PIBF1: variants seen among roughly 807,000 people sequenced by gnomAD.
PIBF1 encodes the protein progesterone-induced-blocking factor 1.
In PIBF1, 90 loss-of-function variants were observed where a neutral mutation model predicts 112.5. The observed-to-expected ratio is 0.80, with a 90% CI of 0.67 to 0.95. The LOEUF (loss-of-function observed/expected upper bound fraction) is 0.95. Among genes scored for constraint, PIBF1 ranks in the 40% least tolerant of loss-of-function variants. The probability of loss-of-function intolerance (pLI) is 0.00; values close to 1 mark genes in which losing one functional copy is unlikely to be tolerated. For synonymous variants in PIBF1, 301 were observed against 288.6 expected (o/e 1.04, Z -0.44); for missense variants, 915 against 852.3 (o/e 1.07, Z -0.92).
At chr13:72,875,566 A>G (rs1313856531) in intron 10 of PIBF1, among the ~76,000 whole-genome samples, 1 of 152,164 alleles carries the variant, frequency 6.6e-6, no homozygotes, top group East Asian at 1.9e-4. Context: ...GCAGTGAATG[A>G]GAATTCCTGT....
chr13:72,849,838 C>T (rs2038049722), intron 9 of PIBF1, among the ~76,000 whole-genome samples: 1 of 152,198 alleles, frequency 6.6e-6, no homozygotes, highest in African/African-American at 2.4e-5. Context: ...TAAGCTAATA[C>T]TTAACCTCTT....
intron 16 of PIBF1, among the ~76,000 whole-genome samples, chr13:72,998,105 A>G (rs2043738570): frequency 6.6e-6 from 1 of 152,250 alleles, no homozygotes; most frequent in African/African-American, 2.4e-5. Context: ...ACTGCTGACT[A>G]GTAGCCAAGA....
At chr13:72,996,347 A>G (rs1373486516) in intron 16 of PIBF1, among the ~76,000 whole-genome samples, 2 of 152,306 alleles carry the variant, frequency 1.3e-5, no homozygotes, top group South Asian at 2.1e-4. Flanking sequence ...CAGACTGGCA[A>G]AAATCCTAAA....
At chr13:73,003,544 C>T (rs2139040147) in intron 17 of PIBF1, among the ~76,000 whole-genome samples, 1 of 152,206 alleles carries the variant, frequency 6.6e-6, no homozygotes, top group South Asian at 2.1e-4. Context: ...GTGTGAGCCA[C>T]CGCACCTGGC....
In PIBF1 at chr13:72,832,071, C is replaced by CTT. The variant is rs1491281184; in HGVS notation, c.1098-3172_1098-3171insTT. On this transcript the variant is annotated intron_variant, in intron 8 of 17. Coordinates refer to ENST00000326291, the MANE Select transcript of PIBF1 (RefSeq NM_006346.4). ...TCAGAGATTAGAATTGCAATTCCGG[C>CTT]CTTTTTTTTTTTTTTTTTTTTTTTT... 1.5e-3 allele frequency among the ~76,000 whole-genome samples: 92 copies of CTT among 59,484 alleles called. 15 individuals carry two copies. The highest frequency in any genetic ancestry group is 3.1e-3 in the African/African-American group (55 of 17,824). The allele number at this position is 59,484 out of a possible 152,430, so 39.0% of individuals were successfully genotyped here.
chr13:72,913,924 T>C (rs2040990481), intron 12 of PIBF1, among the ~76,000 whole-genome samples: 1 of 152,222 alleles, frequency 6.6e-6, no homozygotes. Context: ...GATTTACCTG[T>C]ACTAGAAGAT....
chr13:72,822,802 T>C (rs1158489394), intron 6 of PIBF1, among the ~76,000 whole-genome samples: 1 of 152,250 alleles, frequency 6.6e-6, no homozygotes, highest in East Asian at 1.9e-4. Flanking sequence ...TCATTTCTAC[T>C]CCCATTATGA....
intron 2 of PIBF1, among the ~76,000 whole-genome samples, chr13:72,786,560 G>A (rs1980780): frequency 0.75 from 113,516 of 152,022 alleles, 42,788 homozygotes; most frequent in African/African-American, 0.83. Flanking sequence ...CAACTCTTAT[G>A]TAATTCTTTG....
intron 16 of PIBF1, among the ~76,000 whole-genome samples, chr13:72,988,942 G>A (rs910142195): frequency 6.6e-6 from 1 of 152,126 alleles, no homozygotes; most frequent in African/African-American, 2.4e-5. Context: ...GGAGGCTGAG[G>A]CAGGAGAATC....
At chr13:72,991,455 A>G (rs1197967369) in intron 16 of PIBF1, among the ~76,000 whole-genome samples, 1 of 152,176 alleles carries the variant, frequency 6.6e-6, no homozygotes, top group Non-Finnish European at 1.5e-5. Context: ...ATGTTAATGA[A>G]TGGTTCGTTC....
intron 10 of PIBF1, among the ~76,000 whole-genome samples, chr13:72,860,621 C>T (rs2038651000): frequency 1.3e-5 from 2 of 152,100 alleles, no homozygotes; most frequent in South Asian, 4.1e-4. Context: ...CATGCCTATA[C>T]ATAATTTTCT....
chr13:72,987,894 C>T (rs1194312964), intron 16 of PIBF1, among the ~76,000 whole-genome samples: 4 of 114,948 alleles, frequency 3.5e-5, no homozygotes, highest in Non-Finnish European at 4.9e-5. Flanking sequence ...GGCAGAGTCT[C>T]GCTCTGTCGC....
chr13:72,837,196 C>G (rs1009387672), intron 9 of PIBF1, among the ~76,000 whole-genome samples: 9 of 151,948 alleles, frequency 5.9e-5, no homozygotes, highest in African/African-American at 2.2e-4. Flanking sequence ...TATACGTATT[C>G]TTAAAAAATG....
chr13:72,932,308 T>C (rs2041737529), intron 14 of PIBF1, among the ~76,000 whole-genome samples: 1 of 152,248 alleles, frequency 6.6e-6, no homozygotes. Flanking sequence ...TTTCAAGTCA[T>C]ACATTAAATA....
At chr13:72,901,970 A>G (rs967401094) in intron 11 of PIBF1, among the ~76,000 whole-genome samples, 8 of 127,046 alleles carry the variant, frequency 6.3e-5, no homozygotes, top group African/African-American at 2.1e-4. Flanking sequence ...AATGCCTATC[A>G]ATCGAATGGA....
Position 72,821,882 on chromosome 13 carries a change from G to C in PIBF1, c.706G>C (p.Val236Leu), listed in dbSNP as rs2138124408. Residue 236 changes from valine to leucine, a missense_variant, in exon 6 of 18, where the codon GTT becomes CTT. Transcript: ENST00000326291. Reference protein sequence around the residue: ...YEEDRKNYSEVQIRCQRLALE... With the variant: ...YEEDRKNYSELQIRCQRLALE... ...GGAAGATCGAAAAAACTACTCTGAA[G>C]TTCAAATTAGATGTCAACGTTTGGC... 6.2e-7 allele frequency: 1 copy of C among 1,612,658 alleles called. No individual in the cohort carries two copies.
At position 72,783,479 on chromosome 13, in the gene PIBF1, A is replaced by G; in HGVS notation, c.10A>G (p.Lys4Glu). The change falls in exon 2 of 18, where the codon AAA becomes GAA. Residue 4 changes from lysine (K) to glutamate (E), a missense_variant. By Grantham distance (56) the Lys-to-Glu change is moderately conservative. Transcript: ENST00000326291. ...ATCCATAATAATAAAAATGTCTCGA[A>G]AAATTTCAAAGGAGTCAAAAAAAGT... The part of the protein sequence containing the change: MSR[K>E]ISKESKKVNI... 6.3e-7 allele frequency: 1 copy of G among 1,594,150 alleles called. No individual in the cohort carries two copies. The highest frequency in any genetic ancestry group is 2.2e-5 in the East Asian group (1 of 44,712).
chr13:72,857,327 A>C (rs1164553143), intron 10 of PIBF1, among the ~76,000 whole-genome samples: 1 of 152,236 alleles, frequency 6.6e-6, no homozygotes, highest in Non-Finnish European at 1.5e-5. Flanking sequence ...CTTGAATTAC[A>C]AAAGGCCTTT....
chr13:72,932,139 T>C (rs1389086890), intron 14 of PIBF1, among the ~76,000 whole-genome samples: 3 of 151,970 alleles, frequency 2.0e-5, no homozygotes, highest in Admixed American at 1.3e-4. Context: ...AGACAGGGTT[T>C]CACCATGTTG....
Sources: gnomAD v4.1 joint callset for allele counts (sites outside exome capture counted in the v4.1 genomes callset) on GRCh38, gnomAD v4.1.1 for gene constraint, MANE v1.5 for transcripts, NCBI Gene and HGNC (gene_info 2026-07-23, HGNC 2026-07-21) for gene names.